The following SLC25A17 variants were observed in gnomAD, a reference collection of about 807,000 sequenced individuals.
SLC25A17 encodes the protein solute carrier family 25 member 17.
A neutral mutation model predicts 38.5 loss-of-function variants in SLC25A17; 26 were observed. The ratio of observed to expected loss-of-function variants is 0.68; its 90% CI spans 0.50 to 0.94. The LOEUF (loss-of-function observed/expected upper bound fraction) is 0.94, where lower values mean the gene tolerates loss of function less well. Among genes scored for constraint, SLC25A17 ranks in the 40% least tolerant of loss-of-function variants. The pLI is 0.00. For missense variants in SLC25A17, 333 were observed against 372.7 expected (o/e 0.89, Z 0.88); for synonymous variants, 139 against 136.2 (o/e 1.02, Z -0.14).
rs765118849 is a variant in SLC25A17 at position 40,792,662 on chromosome 22, C to T, written c.197G>A (p.Arg66Gln). The change falls in exon 4 of 9, where the codon CGA becomes CAA. Residue 66 changes from arginine (R) to glutamine (Q), a missense_variant. Coordinates refer to ENST00000435456, the MANE Select transcript of SLC25A17 (RefSeq NM_006358.4). ...ACTGGAAATCACTGGAAACCACCCT[C>T]GATATGGTGCCAGGCTAGGGGAAAA... ...IKEEGLLAPYRGWFPVISSLC... is the reference protein window; with the variant it reads ...IKEEGLLAPYQGWFPVISSLC... The T allele has an allele frequency of 2.5e-6, 4 of 1,613,938 alleles. No homozygotes were observed. Among genetic ancestry groups the T allele is most frequent in the South Asian group, 2.2e-5 (2 of 91,062 alleles).
intron 4 of SLC25A17, among the ~76,000 whole-genome samples, chr22:40,783,687 A>C: frequency 6.6e-6 from 1 of 151,846 alleles, no homozygotes; most frequent in South Asian, 2.1e-4. Context: ...ACTTAACACC[A>C]TACTATCTAA....
chr22:40,803,439 A>G (rs1199733401), intron 1 of SLC25A17, among the ~76,000 whole-genome samples: 3 of 152,200 alleles, frequency 2.0e-5, no homozygotes, highest in Non-Finnish European at 4.4e-5. Flanking sequence ...TTCACTTAAC[A>G]TAATATTTAT....
At chr22:40,784,227 T>C (rs1049318796) in intron 4 of SLC25A17, among the ~76,000 whole-genome samples, 11 of 152,058 alleles carry the variant, frequency 7.2e-5, no homozygotes, top group Non-Finnish European at 1.2e-4. Flanking sequence ...CAATATATAT[T>C]TGATGAACAA....
At chr22:40,779,792 T>G (rs2057279174) in intron 4 of SLC25A17, 1 of 153,698 alleles carries the variant, frequency 6.5e-6, no homozygotes, top group Admixed American at 6.4e-5. Context: ...CCCCCAAGGT[T>G]GCCTCAGAGT....
intron 8 of SLC25A17, among the ~76,000 whole-genome samples, 191 bp from the exon 9 acceptor site, chr22:40,771,172 A>G (rs1384609393): frequency 6.6e-6 from 1 of 152,154 alleles, no homozygotes; most frequent in Non-Finnish European, 1.5e-5. Flanking sequence ...CAGTGGCGCG[A>G]TCTCGGCTCA....
At chr22:40,776,971 T>C in intron 7 of SLC25A17, 69 bp downstream of exon 7, 2 of 1,291,490 alleles carry the variant, frequency 1.5e-6, no homozygotes, top group Non-Finnish European at 2.2e-6. Context: ...ATTAACATTG[T>C]TTTAAATCAA....
rs953445969 is a variant in SLC25A17, at chr22:40,789,469, TTTCTTTCC to T, written c.334+3048_334+3055del. On this transcript the variant is annotated intron_variant, in intron 4 of 8. Transcript: ENST00000435456. The surrounding 1 kb of genome is among the most constrained non-coding windows in gnomAD (Gnocchi z 4.5). ...GGGTCTCCCAACCATTTTCATTTTC[TTTCTTTCC>T]TTCTTTCCCTACCTTTTAAAATATT... Among the ~76,000 whole-genome samples, 1 of 152,120 alleles carries T rather than the reference TTTCTTTCC, an allele frequency of 6.6e-6. No individual in the cohort carries two copies. Among genetic ancestry groups the T allele is most frequent in the Admixed American group, 6.5e-5 (1 of 15,272 alleles).
chr22:40,782,092 C>T (rs1028228724), intron 4 of SLC25A17, among the ~76,000 whole-genome samples: 4 of 152,022 alleles, frequency 2.6e-5, no homozygotes, highest in East Asian at 1.9e-4. Flanking sequence ...CGGTGGCGGG[C>T]GCCTGTAGTC....
chr22:40,778,944 A>T (rs2057270610), intron 5 of SLC25A17, 65 bp downstream of exon 5: 1 of 1,350,404 alleles, frequency 7.4e-7, no homozygotes, highest in Admixed American at 1.8e-5. Context: ...TTTATGTGGC[A>T]ACATATTCCA....
chr22:40,813,625 G>A (rs2145710706), intron 1 of SLC25A17, among the ~76,000 whole-genome samples: 1 of 152,256 alleles, frequency 6.6e-6, no homozygotes, highest in East Asian at 1.9e-4. Context: ...TCGGAAGGCT[G>A]AGGCAGGAGA....
intron 4 of SLC25A17, among the ~76,000 whole-genome samples, chr22:40,791,200 T>C (rs1191407416): frequency 1.3e-5 from 2 of 152,130 alleles, no homozygotes; most frequent in East Asian, 1.9e-4. Flanking sequence ...TGGTTCTTGA[T>C]GGCCAAGCAG....
chr22:40,794,596 G>A lies in SLC25A17; in HGVS notation c.116-16C>T. ...TTCTCATCAACTACAAGACCAAACAGTGCATGTTTATTTTATTAATTAAAA... is the reference window on the plus strand; with the variant it reads ...TTCTCATCAACTACAAGACCAAACAATGCATGTTTATTTTATTAATTAAAA... On this transcript the variant is annotated splice_polypyrimidine_tract_variant and intron_variant, in intron 2 of 8. Coordinates refer to ENST00000435456, the MANE Select transcript of SLC25A17 (RefSeq NM_006358.4). The A allele has an allele frequency of 1.3e-6, 2 of 1,550,704 alleles. No homozygotes were observed. Among genetic ancestry groups the A allele is most frequent in the Non-Finnish European group, 1.8e-6 (2 of 1,137,958 alleles).
At chr22:40,814,570 T>G (rs118088301) in intron 1 of SLC25A17, among the ~76,000 whole-genome samples, 3,432 of 152,188 alleles carry the variant, frequency 0.023, 50 homozygotes, top group Non-Finnish European at 0.033. Context: ...GTAACTTGTC[T>G]TTTATAACTG....
At chr22:40,785,282 G>A (rs1432672973) in intron 4 of SLC25A17, among the ~76,000 whole-genome samples, 1 of 152,224 alleles carries the variant, frequency 6.6e-6, no homozygotes, top group Non-Finnish European at 1.5e-5. Context: ...TACTTGGGAG[G>A]CTGAGACAGG....
At chr22:40,773,732 C>A (rs1003423911) in intron 8 of SLC25A17, among the ~76,000 whole-genome samples, 5 of 152,148 alleles carry the variant, frequency 3.3e-5, no homozygotes, top group African/African-American at 7.2e-5. Flanking sequence ...AGAATAAGAA[C>A]CTGAACTTTT....
chr22:40,775,205 C>G (rs986231776), intron 7 of SLC25A17, among the ~76,000 whole-genome samples: 2 of 152,174 alleles, frequency 1.3e-5, no homozygotes, highest in Non-Finnish European at 2.9e-5. Context: ...GCTGCTCTTG[C>G]AATCTCACCC....
intron 1 of SLC25A17, among the ~76,000 whole-genome samples, chr22:40,810,112 G>A (rs138315): frequency 1.3e-3 from 203 of 152,188 alleles, no homozygotes; most frequent in Non-Finnish European, 2.5e-3. Flanking sequence ...CTGAATGATA[G>A]GAATGTCTTT....
At chr22:40,801,800 CTTTTT>C (rs1569410390) in intron 1 of SLC25A17, among the ~76,000 whole-genome samples, 1 of 151,990 alleles carries the variant, frequency 6.6e-6, no homozygotes, top group African/African-American at 2.4e-5. Flanking sequence ...CTTTTCTTTT[CTTTTT>C]TTAAGACGGA....
intron 1 of SLC25A17, among the ~76,000 whole-genome samples, chr22:40,808,375 G>C (rs1002193519): frequency 1.3e-5 from 2 of 152,258 alleles, no homozygotes; most frequent in Admixed American, 6.5e-5. Context: ...GTAGTTAAGG[G>C]GTCTGCCCAA....
Sources: allele counts gnomAD v4.1 joint callset (sites outside exome capture counted in the v4.1 genomes callset), GRCh38; gene constraint gnomAD v4.1.1; non-coding constraint Gnocchi (gnomAD v3.1); transcripts MANE v1.5; gene names NCBI Gene and HGNC (gene_info 2026-07-23, HGNC 2026-07-21).